The following FAM227A variants were observed in gnomAD, a reference collection of about 807,000 sequenced individuals.
The protein encoded by FAM227A is protein FAM227A.
Under a neutral mutation model 74.7 loss-of-function variants are expected in FAM227A, and 80 were observed. The ratio of observed to expected loss-of-function variants is 1.07; its 90% CI spans 0.89 to 1.29. The LOEUF (loss-of-function observed/expected upper bound fraction) is 1.29, where lower values mean the gene tolerates loss of function less well. Ranked by LOEUF, FAM227A falls within the 50% of genes most tolerant of loss-of-function variation. The pLI is 0.00. For synonymous variants in FAM227A, 237 were observed against 241.8 expected, an observed-to-expected ratio of 0.98 and a Z score of 0.19; for missense variants, 654 against 683.4, an observed-to-expected ratio of 0.96 and a Z score of 0.48.
chr22:38,607,494 G>C lies in FAM227A; in HGVS notation c.1039-18C>G. 1 of 1,492,904 alleles carries C rather than the reference G, an allele frequency of 6.7e-7. No homozygotes were observed. The highest frequency in any genetic ancestry group is 9.1e-7 in the Non-Finnish European group (1 of 1,094,420). The allele number at this position is 1,492,904 out of a possible 1,614,324, so 92.5% of individuals were successfully genotyped here. ...CTAGAAGACTTCAGGAGACAAGAGA[G>C]AGAAAGAGAGGGAGAAAGCGAGAGA... On this transcript the variant is annotated intron_variant, in intron 11 of 16. Coordinates refer to ENST00000535113, the MANE Select transcript of FAM227A (RefSeq NM_001013647.2).
chr22:38,638,136 G>T (rs2092042085), intron 5 of FAM227A, among the ~76,000 whole-genome samples: 1 of 152,202 alleles, frequency 6.6e-6, no homozygotes, highest in Non-Finnish European at 1.5e-5. Context: ...CTGCACTCCA[G>T]CCTGGGTGAC....
chr22:38,649,916 C>A, intron 2 of FAM227A, 111 bp downstream of exon 2: 12 of 918,644 alleles, frequency 1.3e-5, no homozygotes, highest in South Asian at 3.8e-5. Context: ...GTATAAGGGA[C>A]AAGCTAATAA....
chr22:38,638,010 T>C (rs1230869344), intron 5 of FAM227A, among the ~76,000 whole-genome samples: 1 of 151,964 alleles, frequency 6.6e-6, no homozygotes, highest in Non-Finnish European at 1.5e-5. Flanking sequence ...CTACCAAAAA[T>C]GCAAATTTAG....
At chr22:38,621,364 G>GAA (rs1332649999) in intron 10 of FAM227A, among the ~76,000 whole-genome samples, 1 of 116,038 alleles carries the variant, frequency 8.6e-6, no homozygotes, top group Non-Finnish European at 1.9e-5. Context: ...AAAAAAAAAA[G>GAA]AAAGAAAAGA....
chr22:38,628,671 G>A (rs906566596), intron 7 of FAM227A, among the ~76,000 whole-genome samples, 163 bp downstream of exon 7: 2 of 152,206 alleles, frequency 1.3e-5, no homozygotes, highest in African/African-American at 4.8e-5. Flanking sequence ...GAAGCACAGG[G>A]TGTGTGGCTG....
Position 38,578,211 on chromosome 22 carries a change from A to G in FAM227A, c.*7914T>C, listed in dbSNP as rs1342118758. The G allele has an allele frequency of 6.6e-6, 1 of 152,094 alleles. No individual in the cohort carries two copies. Among genetic ancestry groups the G allele is most frequent in the East Asian group, 1.9e-4 (1 of 5,176 alleles). 9.4% of individuals were successfully genotyped at this position (152,094 alleles called of 1,614,324 possible). A position where few individuals can be genotyped will look rare whatever the true frequency, so the allele number is the denominator to read the frequency against. On this transcript the variant is annotated 3_prime_UTR_variant, in exon 17 of 17. Transcript: ENST00000535113. Reference sequence around the variant, plus strand: ...CAACACAGTACATTTGTTCACACCAACATCACCACAAACACGTGACTAATG... The same window carrying G: ...CAACACAGTACATTTGTTCACACCAGCATCACCACAAACACGTGACTAATG...
intron 2 of FAM227A, 44 bp downstream of exon 2, chr22:38,649,983 A>G: frequency 6.5e-7 from 1 of 1,540,852 alleles, no homozygotes; most frequent in Non-Finnish European, 8.8e-7. Context: ...GACTCAAGTT[A>G]GGTGTATTTG....
chr22:38,612,294 A>G (rs1398719987), intron 11 of FAM227A, among the ~76,000 whole-genome samples: 1 of 151,880 alleles, frequency 6.6e-6, no homozygotes, highest in African/African-American at 2.4e-5. Flanking sequence ...GATGCTTACA[A>G]CTCTGCAGCA....
intron 6 of FAM227A, among the ~76,000 whole-genome samples, chr22:38,636,147 TG>T (rs1388660090): frequency 1.3e-5 from 2 of 152,138 alleles, no homozygotes; most frequent in Non-Finnish European, 2.9e-5. Flanking sequence ...CATACTCATA[TG>T]CATTGTAGTG....
chr22:38,605,438 T>C, intron 12 of FAM227A, 90 bp from the exon 13 acceptor site: 3 of 732,850 alleles, frequency 4.1e-6, no homozygotes, highest in East Asian at 2.7e-5. Flanking sequence ...TACAGGTGTG[T>C]GCCACCGCAC....
At chr22:38,643,644 C>T (rs1737961851) in intron 3 of FAM227A, among the ~76,000 whole-genome samples, 1 of 152,002 alleles carries the variant, frequency 6.6e-6, no homozygotes, top group African/African-American at 2.4e-5. Context: ...AATTGTGCTC[C>T]CTGGTATTTA....
At chr22:38,638,174 AAAAG>A (rs1392348488) in intron 5 of FAM227A, among the ~76,000 whole-genome samples, 2 of 152,184 alleles carry the variant, frequency 1.3e-5, no homozygotes, top group East Asian at 1.9e-4. Flanking sequence ...CAAAAAGAAA[AAAAG>A]AAATAAAGAA....
chr22:38,591,554 A>T lies in FAM227A; in HGVS notation c.1533-14T>A, dbSNP rs1260247387. On this transcript the variant is annotated splice_polypyrimidine_tract_variant and intron_variant, in intron 15 of 16. Transcript: ENST00000535113. ...TTCTTCATTTCCCTGGGAGGAAAACACAGAGACATATGGAAAAAGGCTGGA... is the reference window on the plus strand; with the variant it reads ...TTCTTCATTTCCCTGGGAGGAAAACTCAGAGACATATGGAAAAAGGCTGGA... The T allele has an allele frequency of 5.9e-6, 9 of 1,526,652 alleles. No homozygotes were observed. The highest frequency in any genetic ancestry group is 7.9e-6 in the Non-Finnish European group (9 of 1,133,228). 94.6% of individuals were successfully genotyped at this position (1,526,652 alleles called of 1,614,324 possible). A position where few individuals can be genotyped will look rare whatever the true frequency, so the allele number is the denominator to read the frequency against.
intron 11 of FAM227A, among the ~76,000 whole-genome samples, chr22:38,611,628 T>C (rs2091416298): frequency 6.6e-6 from 1 of 152,158 alleles, no homozygotes; most frequent in African/African-American, 2.4e-5. Context: ...TCAAGCAATG[T>C]AACTGATAGG....
At chr22:38,642,931 G>A (rs373333397) in intron 3 of FAM227A, among the ~76,000 whole-genome samples, 94 of 152,016 alleles carry the variant, frequency 6.2e-4, no homozygotes, top group African/African-American at 1.7e-3. Flanking sequence ...GTGAGACTCC[G>A]TCTCAAAAAA....
Position 38,640,441 on chromosome 22 carries a change from A to G in FAM227A, c.226-717T>C, listed in dbSNP as rs1040506570. On this transcript the variant is annotated intron_variant, in intron 3 of 16. Coordinates refer to ENST00000535113, the MANE Select transcript of FAM227A (RefSeq NM_001013647.2). Reference sequence around the variant, plus strand: ...GTTCAATAAGGGGTCTCTATTATCTACCCTTGACCTCTCAAGAGAGACTTC... The same window carrying G: ...GTTCAATAAGGGGTCTCTATTATCTGCCCTTGACCTCTCAAGAGAGACTTC... Among the ~76,000 whole-genome samples the G allele has an allele frequency of 1.2e-4, 18 of 151,954 alleles. 1 individual carries two copies. Among genetic ancestry groups the G allele is most frequent in the Non-Finnish European group, 4.4e-5 (3 of 67,964 alleles).
intron 5 of FAM227A, among the ~76,000 whole-genome samples, chr22:38,637,967 G>C (rs1273458564): frequency 1.3e-5 from 2 of 152,144 alleles, no homozygotes; most frequent in Non-Finnish European, 2.9e-5. Context: ...AAGAGTTCGA[G>C]ACCAGCCTAG....
chr22:38,606,340 A>G (rs2091282920), intron 12 of FAM227A, among the ~76,000 whole-genome samples: 2 of 151,928 alleles, frequency 1.3e-5, no homozygotes, highest in South Asian at 4.2e-4. Context: ...CTAATTTAAA[A>G]ATTTTTTTTG....
chr22:38,637,012 A>G (rs1250004667), intron 5 of FAM227A, among the ~76,000 whole-genome samples: 1 of 152,116 alleles, frequency 6.6e-6, no homozygotes, highest in African/African-American at 2.4e-5. Context: ...TCTTGACATC[A>G]GGTGATCCAC....
Sources: allele counts gnomAD v4.1 joint callset (sites outside exome capture counted in the v4.1 genomes callset), GRCh38; gene constraint gnomAD v4.1.1; transcripts MANE v1.5; gene names NCBI Gene and HGNC (gene_info 2026-07-23, HGNC 2026-07-21).